The following TMTC2 variants were observed in gnomAD, a reference collection of about 807,000 sequenced individuals.
The protein encoded by TMTC2 is protein O-mannosyl-transferase TMTC2.
A neutral mutation model predicts 82.4 loss-of-function variants in TMTC2; 43 were observed. The ratio of observed to expected loss-of-function variants is 0.52; its 90% CI spans 0.41 to 0.67. The LOEUF (loss-of-function observed/expected upper bound fraction) is 0.67. Ranked by LOEUF, TMTC2 falls within the 30% of genes least tolerant of loss-of-function variation. The probability of loss-of-function intolerance (pLI) is 0.00; values close to 1 mark genes in which losing one functional copy is unlikely to be tolerated. For synonymous variants in TMTC2, 408 were observed against 381.9 expected, an observed-to-expected ratio of 1.07 and a Z score of -0.80; for missense variants, 919 against 1,012.4, an observed-to-expected ratio of 0.91 and a Z score of 1.25.
intron 11 of TMTC2, among the ~76,000 whole-genome samples, chr12:83,130,929 A>G (rs775628476): frequency 2.4e-4 from 36 of 152,206 alleles, no homozygotes; most frequent in Non-Finnish European, 1.0e-4. Context: ...TTAAAAATCC[A>G]AAATCCCCCA....
At chr12:82,757,877 T>C (rs1440514745) in intron 1 of TMTC2, among the ~76,000 whole-genome samples, 1 of 152,126 alleles carries the variant, frequency 6.6e-6, no homozygotes, top group Non-Finnish European at 1.5e-5. Flanking sequence ...TATGGCAGGA[T>C]TGGATCAGGC....
At chr12:82,830,331 C>A (rs1161528315) in intron 1 of TMTC2, among the ~76,000 whole-genome samples, 1 of 151,884 alleles carries the variant, frequency 6.6e-6, no homozygotes, top group African/African-American at 2.4e-5. Flanking sequence ...ATCCTTAGTC[C>A]TTCCTTAGCC....
intron 2 of TMTC2, among the ~76,000 whole-genome samples, chr12:82,868,037 T>A (rs1433480091): frequency 6.6e-6 from 1 of 152,210 alleles, no homozygotes; most frequent in East Asian, 1.9e-4. Context: ...CTAAACTTCT[T>A]TGAACATCAG....
chr12:82,985,900 C>T (rs2137337626), intron 7 of TMTC2, 25 bp from the exon 8 acceptor site: 1 of 1,608,382 alleles, frequency 6.2e-7, no homozygotes, highest in African/African-American at 1.3e-5. Context: ...CTCCCTTTGA[C>T]CTTCATGATT....
intron 2 of TMTC2, among the ~76,000 whole-genome samples, chr12:82,884,174 G>A (rs1872973331): frequency 6.6e-6 from 1 of 152,142 alleles, no homozygotes; most frequent in Non-Finnish European, 1.5e-5. Context: ...GGCTTGCCAT[G>A]GGTACGCAAG....
chr12:82,879,634 A>G (rs573710767), intron 2 of TMTC2, among the ~76,000 whole-genome samples: 1 of 152,320 alleles, frequency 6.6e-6, no homozygotes, highest in South Asian at 2.1e-4. Context: ...ATCAAAGGAC[A>G]TAGCTTTTGA....
intron 8 of TMTC2, among the ~76,000 whole-genome samples, chr12:83,007,383 C>T (rs184835195): frequency 6.0e-4 from 91 of 152,116 alleles, no homozygotes; most frequent in African/African-American, 2.1e-3. Context: ...GTTCTTCTTA[C>T]GTTTTAATTG....
intron 1 of TMTC2, among the ~76,000 whole-genome samples, chr12:82,846,096 C>T (rs1337339063): frequency 6.6e-6 from 1 of 151,940 alleles, no homozygotes; most frequent in African/African-American, 2.4e-5. Flanking sequence ...CCATGGCTCA[C>T]GCCTGTAATC....
At chr12:82,876,682 T>G (rs1182149803) in intron 2 of TMTC2, among the ~76,000 whole-genome samples, 1 of 152,224 alleles carries the variant, frequency 6.6e-6, no homozygotes, top group Non-Finnish European at 1.5e-5. Flanking sequence ...AACTTTATAA[T>G]TGACGTTTTT....
intron 4 of TMTC2, among the ~76,000 whole-genome samples, chr12:82,931,240 TA>T (rs143313629): frequency 0.097 from 14,571 of 150,060 alleles, 939 homozygotes; most frequent in African/African-American, 0.17. Flanking sequence ...TGTCTTCCAT[TA>T]AAAAAAAAAT....
chr12:83,077,651 T>C (rs1883326035), intron 11 of TMTC2, among the ~76,000 whole-genome samples: 1 of 152,070 alleles, frequency 6.6e-6, no homozygotes, highest in Non-Finnish European at 1.5e-5. Flanking sequence ...CTCAGCTCAC[T>C]GCATCCTCTG....
chr12:82,813,039 T>C (rs1253534740), intron 1 of TMTC2, among the ~76,000 whole-genome samples: 2 of 152,088 alleles, frequency 1.3e-5, no homozygotes, highest in East Asian at 3.8e-4. Context: ...ACTTTACATA[T>C]GTATATATGG....
At chr12:82,907,366 G>A (rs974007635) in intron 3 of TMTC2, among the ~76,000 whole-genome samples, 2 of 151,898 alleles carry the variant, frequency 1.3e-5, no homozygotes, top group Non-Finnish European at 2.9e-5. Flanking sequence ...AGGAGGCTCA[G>A]GCAGGATAAT....
intron 11 of TMTC2, among the ~76,000 whole-genome samples, chr12:83,093,840 G>A (rs1386216573): frequency 6.6e-6 from 1 of 152,174 alleles, no homozygotes; most frequent in Non-Finnish European, 1.5e-5. Flanking sequence ...TAGGAAATGG[G>A]ACTTTAAGAG....
chr12:82,738,764 A>G (rs1875240795), intron 1 of TMTC2, among the ~76,000 whole-genome samples: 1 of 152,236 alleles, frequency 6.6e-6, no homozygotes, highest in South Asian at 2.1e-4. Flanking sequence ...TATAATTATT[A>G]GTTATTTTAA....
At chr12:82,790,866 T>A (rs1265521165) in intron 1 of TMTC2, among the ~76,000 whole-genome samples, 6 of 149,892 alleles carry the variant, frequency 4.0e-5, no homozygotes, top group Non-Finnish European at 8.9e-5. Flanking sequence ...AAAGAAAAAA[T>A]TCTTCTTTTG....
At chr12:82,925,959 T>C (rs894220009) in intron 3 of TMTC2, among the ~76,000 whole-genome samples, 1 of 151,082 alleles carries the variant, frequency 6.6e-6, no homozygotes, top group Non-Finnish European at 1.5e-5. Flanking sequence ...AACAGACTTA[T>C]TGCTGATATG....
At chr12:82,755,018 C>T (rs936076066) in intron 1 of TMTC2, among the ~76,000 whole-genome samples, 2 of 152,184 alleles carry the variant, frequency 1.3e-5, no homozygotes, top group Non-Finnish European at 2.9e-5. Flanking sequence ...TCAAAGCTTC[C>T]TTGAAATAGA....
intron 11 of TMTC2, among the ~76,000 whole-genome samples, chr12:83,122,467 C>T (rs1022174676): frequency 6.6e-6 from 1 of 152,080 alleles, no homozygotes; most frequent in East Asian, 1.9e-4. Context: ...TGGCTTGCTA[C>T]GGAACCCAGC....
Sources: gnomAD v4.1 joint callset for allele counts (sites outside exome capture counted in the v4.1 genomes callset) on GRCh38, gnomAD v4.1.1 for gene constraint, MANE v1.5 for transcripts, NCBI Gene and HGNC (gene_info 2026-07-23, HGNC 2026-07-21) for gene names.